The following MID1 variants were observed in gnomAD, a reference collection of about 807,000 sequenced individuals.
The protein encoded by MID1 is E3 ubiquitin-protein ligase Midline-1.
A neutral mutation model predicts 40.4 loss-of-function variants in MID1; 7 were observed. The ratio of observed to expected loss-of-function variants is 0.17; its 90% CI spans 0.10 to 0.33. The LOEUF (loss-of-function observed/expected upper bound fraction) is 0.33, where lower values mean the gene tolerates loss of function less well. Among genes scored for constraint, MID1 ranks in the 10% least tolerant of loss-of-function variants. The pLI is 1.00. For missense variants in MID1, 367 were observed against 558.5 expected, an observed-to-expected ratio of 0.66 and a Z score of 3.46; for synonymous variants, 229 against 221.2, an observed-to-expected ratio of 1.04 and a Z score of -0.31.
At chrX:10,681,016 AC>A (rs1446943333) in intron 1 of MID1, among the ~76,000 whole-genome samples, 1 of 94,595 alleles carries the variant, frequency 1.1e-5, no homozygotes, top group East Asian at 3.4e-4. Context: ...ACAGAGCCAG[AC>A]CCTGTCTCAA....
intron 2 of MID1, among the ~76,000 whole-genome samples, chrX:10,533,324 AAAGGAAAG>A (rs1232670111): frequency 1.4e-5 from 1 of 70,757 alleles, no homozygotes; most frequent in Non-Finnish European, 2.6e-5. Flanking sequence ...AGAAAGAAAG[AAAGGAAAG>A]AAAGAAAGAA....
At chrX:10,646,547 A>C (rs1380032398) in intron 1 of MID1, among the ~76,000 whole-genome samples, 2 of 111,110 alleles carry the variant, frequency 1.8e-5, no homozygotes, top group East Asian at 5.7e-4. Context: ...GGGGAAGGAA[A>C]TTTTCGCCTC....
chrX:10,744,662 CTCA>C (rs1482457712), intron 1 of MID1, among the ~76,000 whole-genome samples: 1 of 111,292 alleles, frequency 9.0e-6, no homozygotes, highest in Non-Finnish European at 1.9e-5. Context: ...CCTTGGAGTC[CTCA>C]TTGTGTTTAA....
At chrX:10,493,718 G>A (rs911444669) in intron 4 of MID1, among the ~76,000 whole-genome samples, 4 of 112,166 alleles carry the variant, frequency 3.6e-5, no homozygotes, top group Admixed American at 1.9e-4. Context: ...AAGGCTTTGA[G>A]ATGATGGATA....
In MID1 at chrX:10,773,645, T is replaced by C. The variant is rs768477270; in HGVS notation, c.-187+59909A>G. 1.0e-3 allele frequency among the ~76,000 whole-genome samples: 112 copies of C among 112,525 alleles called. 1 individual carries two copies. In the Middle Eastern group the frequency reaches 0.014, roughly 14 times the overall value. On this transcript the variant is annotated intron_variant, in intron 1 of 10. Coordinates refer to the MID1 transcript ENST00000380785. ...TTTCCCCTGGTTACATTTTATCTTG[T>C]TTTGTAAATTATGTTGTATTGTTTG...
intron 1 of MID1, among the ~76,000 whole-genome samples, chrX:10,805,548 T>C (rs2147148337): frequency 1.0e-5 from 1 of 99,439 alleles, no homozygotes; most frequent in African/African-American, 3.8e-5. Flanking sequence ...CATGTGTCTT[T>C]ATAGCAGCAT....
At chrX:10,639,168 G>A (rs773657169) in intron 1 of MID1, among the ~76,000 whole-genome samples, 3 of 112,300 alleles carry the variant, frequency 2.7e-5, no homozygotes, top group Non-Finnish European at 3.8e-5. Flanking sequence ...TGACTTTGAC[G>A]AGTTGAGAGA....
chrX:10,796,516 T>A (rs940271475), intron 1 of MID1, among the ~76,000 whole-genome samples: 1 of 108,099 alleles, frequency 9.3e-6, no homozygotes, highest in Admixed American at 1.0e-4. Context: ...AGAAAAACAG[T>A]CACCACAGTC....
chrX:10,731,122 C>A (rs1369343261), intron 1 of MID1, among the ~76,000 whole-genome samples: 1 of 111,514 alleles, frequency 9.0e-6, no homozygotes, highest in Non-Finnish European at 1.9e-5. Context: ...TTGTGACTGT[C>A]TGTTATTCTC....
At chrX:10,589,872 G>C (rs1284346031) in intron 1 of MID1, 1 of 109,270 alleles carries the variant, frequency 9.2e-6, no homozygotes. Context: ...ACAAGCCGCA[G>C]ACAAAACTCC....
intron 1 of MID1, among the ~76,000 whole-genome samples, chrX:10,722,705 G>A (rs1389959763): frequency 1.8e-5 from 2 of 111,853 alleles, no homozygotes; most frequent in African/African-American, 3.3e-5. Context: ...AAAGGGAGAC[G>A]AGGCCATCAG....
chrX:10,707,633 G>A (rs2043240052), intron 1 of MID1, among the ~76,000 whole-genome samples: 2 of 112,355 alleles, frequency 1.8e-5, no homozygotes, highest in African/African-American at 6.5e-5. Flanking sequence ...CTTGTGCTAT[G>A]TATGTATCTG....
intron 1 of MID1, among the ~76,000 whole-genome samples, chrX:10,703,524 G>A (rs909618571): frequency 2.7e-5 from 3 of 110,898 alleles, no homozygotes; most frequent in Admixed American, 9.6e-5. Context: ...AAAATTAGCC[G>A]GGTGCGGTGG....
intron 1 of MID1, among the ~76,000 whole-genome samples, chrX:10,763,791 A>C (rs2043699784): frequency 9.0e-6 from 1 of 111,508 alleles, no homozygotes; most frequent in African/African-American, 3.3e-5. Context: ...AACAGTGTAA[A>C]AGTGTTCCTA....
At chrX:10,583,722 C>A (rs1935070398) in intron 1 of MID1, among the ~76,000 whole-genome samples, 1 of 111,905 alleles carries the variant, frequency 8.9e-6, no homozygotes, top group Non-Finnish European at 1.9e-5. Context: ...ATTCTTGAGA[C>A]TAAGTAATTT....
At position 10,585,262 on chromosome X, in the gene MID1, A is replaced by G. The variant is rs182506456; in HGVS notation, c.-56-17659T>C. On this transcript the variant is annotated intron_variant, in intron 1 of 9. Transcript: ENST00000317552. ...ATAAAACAATATAAAACAATATGAG[A>G]GGGTCTGTCTCTCTTCTCTCATTTC... Among the ~76,000 whole-genome samples the G allele has an allele frequency of 5.2e-3, 573 of 110,536 alleles. 6 individuals carry two copies. The highest frequency in any genetic ancestry group is 0.018 in the African/African-American group (538 of 30,330).
chrX:10,578,111 G>C (rs1284199106), intron 1 of MID1, among the ~76,000 whole-genome samples: 1 of 112,515 alleles, frequency 8.9e-6, no homozygotes, highest in African/African-American at 3.2e-5. Context: ...GTAAATCAAA[G>C]CATGCTTCAC....
chrX:10,581,717 T>C (rs1051645541), intron 1 of MID1, among the ~76,000 whole-genome samples: 2 of 112,488 alleles, frequency 1.8e-5, no homozygotes. Context: ...ACAAACAGTA[T>C]GTGAATGTGA....
intron 1 of MID1, among the ~76,000 whole-genome samples, chrX:10,704,767 G>C (rs556364641): frequency 0.04 from 2,687 of 67,122 alleles, 94 homozygotes; most frequent in African/African-American, 0.14. Flanking sequence ...CACACACACA[G>C]AGAGAGAGAG....
Sources: allele counts gnomAD v4.1 joint callset (sites outside exome capture counted in the v4.1 genomes callset), GRCh38; gene constraint gnomAD v4.1.1; transcripts MANE v1.5; gene names NCBI Gene and HGNC (gene_info 2026-07-23, HGNC 2026-07-21).